Variants in TBC1D19 observed in about 807,000 individuals in gnomAD.
TBC1D19 encodes TBC1 domain family member 19, also known as TBC1 domain family, member 19.
Under a neutral mutation model 89.0 loss-of-function variants are expected in TBC1D19, and 60 were observed. That is an observed-to-expected ratio of 0.67 (90% CI 0.55 to 0.84). TBC1D19 has a LOEUF of 0.84. Among genes scored for constraint, TBC1D19 ranks in the 40% least tolerant of loss-of-function variants. The pLI is 0.00. For synonymous variants in TBC1D19, 189 were observed against 199.7 expected (o/e 0.95, Z 0.45); for missense variants, 500 against 610.8 (o/e 0.82, Z 1.91).
At chr4:26,849,229 C>G in the TBC1D19 span, among the ~76,000 whole-genome samples, 3 of 150,724 alleles carry the variant, frequency 2.0e-5, no homozygotes, top group Non-Finnish European at 3.0e-5. Flanking sequence ...CACACACACA[C>G]ACGGGCCTCA....
At chr4:26,775,698 C>A in the TBC1D19 span, among the ~76,000 whole-genome samples, 1 of 152,118 alleles carries the variant, frequency 6.6e-6, no homozygotes, top group Non-Finnish European at 1.5e-5. Context: ...TATAAATTAC[C>A]CAGTCTCAGG....
intron 1 of TBC1D19, among the ~76,000 whole-genome samples, chr4:26,593,226 C>G (rs1174815964): frequency 1.3e-5 from 2 of 152,080 alleles, no homozygotes; most frequent in East Asian, 1.9e-4. Context: ...CTGAGAAAAA[C>G]AAGCAATGGG....
At chr4:26,602,927 A>C (rs1405919651) in intron 1 of TBC1D19, among the ~76,000 whole-genome samples, 1 of 152,256 alleles carries the variant, frequency 6.6e-6, no homozygotes, top group Non-Finnish European at 1.5e-5. Flanking sequence ...CTGCATACAG[A>C]AATAAGATGG....
In TBC1D19 at chr4:26,707,764, A is replaced by G. The variant is rs546456035; in HGVS notation, c.955-10169A>G. 5.9e-5 allele frequency among the ~76,000 whole-genome samples: 9 copies of G among 152,076 alleles called. No individual in the cohort carries two copies. The South Asian group carries it at 1.7e-3, about 28-fold the overall frequency. ...GTGAGGATTATATTTAACAACCTAA[A>G]ATTGTAACACTCTAGTTTAAATTAA... is the stretch of plus-strand genomic sequence containing the variant. On this transcript the variant is annotated intron_variant, in intron 13 of 20. Transcript: ENST00000264866.
chr4:26,651,465 T>C (rs1744373047), intron 7 of TBC1D19, among the ~76,000 whole-genome samples: 2 of 152,190 alleles, frequency 1.3e-5, no homozygotes, highest in African/African-American at 4.8e-5. Context: ...GGTATTTTAT[T>C]CTCTTTGTAG....
At chr4:26,673,238 T>G (rs577252717) in intron 10 of TBC1D19, among the ~76,000 whole-genome samples, 1 of 151,728 alleles carries the variant, frequency 6.6e-6, no homozygotes, top group East Asian at 1.9e-4. Flanking sequence ...TTTTGGCAAA[T>G]AACTAAGAAG....
At chr4:26,845,352 G>A in the TBC1D19 span, among the ~76,000 whole-genome samples, 30 of 152,144 alleles carry the variant, frequency 2.0e-4, no homozygotes, top group East Asian at 5.0e-3. Flanking sequence ...GTTTTTTCAA[G>A]ACTTTCCTTA....
At chr4:26,714,585 G>A (rs943837849) in intron 13 of TBC1D19, among the ~76,000 whole-genome samples, 2 of 151,662 alleles carry the variant, frequency 1.3e-5, no homozygotes, top group Non-Finnish European at 2.9e-5. Context: ...AGCATTTTGC[G>A]GACCTAAAGC....
intron 13 of TBC1D19, among the ~76,000 whole-genome samples, chr4:26,712,920 T>C (rs565132768): frequency 2.6e-5 from 4 of 152,140 alleles, no homozygotes; most frequent in African/African-American, 7.2e-5. Context: ...GGGAATCATA[T>C]TTCAACAGGA....
the TBC1D19 span, among the ~76,000 whole-genome samples, chr4:26,845,733 G>C: frequency 6.6e-6 from 1 of 152,228 alleles, no homozygotes; most frequent in Admixed American, 6.5e-5. Context: ...CATGGCAGAA[G>C]GTGAAGGAGC....
intron 12 of TBC1D19, among the ~76,000 whole-genome samples, chr4:26,686,403 A>G (rs1713813344): frequency 6.6e-6 from 1 of 151,914 alleles, no homozygotes; most frequent in South Asian, 2.1e-4. Flanking sequence ...AATTTATTAA[A>G]TGGTTTTGTG....
chr4:26,811,252 G>C, the TBC1D19 span, among the ~76,000 whole-genome samples: 3 of 152,212 alleles, frequency 2.0e-5, no homozygotes, highest in Non-Finnish European at 2.9e-5. Context: ...AACTAACACA[G>C]GAACAGAAAA....
intron 8 of TBC1D19, among the ~76,000 whole-genome samples, chr4:26,661,408 AAG>A (rs1745214738): frequency 6.6e-6 from 1 of 152,132 alleles, no homozygotes; most frequent in Non-Finnish European, 1.5e-5. Context: ...CCTTACAAAA[AAG>A]AGGTTGGCTG....
Position 26,598,393 on chromosome 4 carries a change from ATTC to A in TBC1D19, c.99+14107_99+14109del, listed in dbSNP as rs557595676. ...CACTATGTATGATAAATGACTAAAT[ATTC>A]TTCTTTTTTTTTTCTTGAGACGGAG... On this transcript the variant is annotated intron_variant, in intron 1 of 20. Coordinates refer to ENST00000264866, the MANE Select transcript of TBC1D19 (RefSeq NM_018317.4). Among the ~76,000 whole-genome samples the A allele has an allele frequency of 5.3e-3, 636 of 120,722 alleles. 3 individuals are homozygous for A. The highest frequency in any genetic ancestry group is 7.9e-3 in the Non-Finnish European group (409 of 51,682). 79.2% of individuals were successfully genotyped at this position (120,722 alleles called of 152,430 possible). A position where few individuals can be genotyped will look rare whatever the true frequency, so the allele number is the denominator to read the frequency against.
intron 13 of TBC1D19, among the ~76,000 whole-genome samples, chr4:26,698,538 T>C (rs1478013771): frequency 6.6e-6 from 1 of 151,922 alleles, no homozygotes; most frequent in Non-Finnish European, 1.5e-5. Context: ...GAACCAAAAA[T>C]GAGCCCACAT....
At chr4:26,763,846 G>A in the TBC1D19 span, among the ~76,000 whole-genome samples, 1 of 152,200 alleles carries the variant, frequency 6.6e-6, no homozygotes, top group East Asian at 1.9e-4. Flanking sequence ...AGAGGAAGAG[G>A]GGTGTTAGGG....
At chr4:26,782,829 G>C in the TBC1D19 span, among the ~76,000 whole-genome samples, 1 of 148,962 alleles carries the variant, frequency 6.7e-6, no homozygotes, top group Non-Finnish European at 1.5e-5. Flanking sequence ...AGTTTTCCTT[G>C]AGAAAAAAAA....
At chr4:26,754,148 G>T in intron 20 of TBC1D19, 2 of 370,634 alleles carry the variant, frequency 5.4e-6, no homozygotes, top group Admixed American at 3.8e-5. Context: ...CCAGATACCT[G>T]GTAATTTTAA....
rs79002365 is a variant in TBC1D19, at chr4:26,669,602, T to A, written c.665-2547T>A. Among the ~76,000 whole-genome samples the A allele has an allele frequency of 8.1e-3, 1,226 of 151,962 alleles. 26 individuals carry two copies. The highest frequency in any genetic ancestry group is 0.056 in the East Asian group (288 of 5,178). On this transcript the variant is annotated intron_variant, in intron 9 of 20. Transcript: ENST00000264866. ...AGCAAAATTATTGTATTTCACATAA[T>A]TGAATAGTTAAATTTTTTAAAGAAG...
Sources: gnomAD v4.1 joint callset for allele counts (sites outside exome capture counted in the v4.1 genomes callset) on GRCh38, gnomAD v4.1.1 for gene constraint, MANE v1.5 for transcripts, NCBI Gene and HGNC (gene_info 2026-07-23, HGNC 2026-07-21) for gene names.